Variants in HPSE2 observed in about 807,000 individuals in gnomAD.
HPSE2 encodes the protein heparanase 2 (inactive).
Under a neutral mutation model 60.5 loss-of-function variants are expected in HPSE2, and 38 were observed. That is an observed-to-expected ratio of 0.63 (90% CI 0.48 to 0.82). The LOEUF (loss-of-function observed/expected upper bound fraction) is 0.82, where lower values mean the gene tolerates loss of function less well. HPSE2 is among the 40% of genes least tolerant of loss of function. The probability of loss-of-function intolerance (pLI) is 0.00; values close to 1 mark genes in which losing one functional copy is unlikely to be tolerated. For synonymous variants in HPSE2, 295 were observed against 293.2 expected, an observed-to-expected ratio of 1.01 and a Z score of -0.06; for missense variants, 713 against 740.4, an observed-to-expected ratio of 0.96 and a Z score of 0.43.
chr10:98,566,062 A>T (rs1944334803), intron 9 of HPSE2, among the ~76,000 whole-genome samples: 1 of 152,300 alleles, frequency 6.6e-6, no homozygotes, highest in East Asian at 1.9e-4. Context: ...CCCAGCCCAG[A>T]CTGGCTATCC....
the HPSE2 span, among the ~76,000 whole-genome samples, chr10:99,259,576 C>T: frequency 4.2e-4 from 64 of 152,186 alleles, no homozygotes; most frequent in East Asian, 9.1e-3. Context: ...AAATTAAAGC[C>T]ACAATGAAAT....
At position 98,726,258 on chromosome 10, in the gene HPSE2, G is replaced by A. The variant is rs1434182826; in HGVS notation, c.785-4430C>T. Among the ~76,000 whole-genome samples the A allele has an allele frequency of 2.0e-5, 3 of 151,982 alleles. No homozygotes were observed. The South Asian group carries it at 6.2e-4, about 31-fold the overall frequency. ...CCCAAATGTCCAACAATGATAGAGT[G>A]GATTAAGAAAATGTGGCACATATAC... On this transcript the variant is annotated intron_variant, in intron 4 of 11. Transcript: ENST00000370552.
At chr10:98,758,895 A>G (rs1468003346) in intron 3 of HPSE2, among the ~76,000 whole-genome samples, 1 of 152,138 alleles carries the variant, frequency 6.6e-6, no homozygotes, top group African/African-American at 2.4e-5. Flanking sequence ...CATATGTTCA[A>G]TGCAGTGCTA....
At chr10:98,795,611 C>A (rs540938986) in intron 3 of HPSE2, among the ~76,000 whole-genome samples, 36 of 152,288 alleles carry the variant, frequency 2.4e-4, no homozygotes, top group Non-Finnish European at 4.6e-4. Context: ...ACAGGGACTG[C>A]AATTCCTAGG....
Position 98,836,706 on chromosome 10 carries a change from T to C in HPSE2, c.611-92650A>G, listed in dbSNP as rs113055491. ...CTTGCTTTAAAGGGCTTTTGACTGA[T>C]TAAATTAGGCCTACCTAAATTATGT... On this transcript the variant is annotated intron_variant, in intron 3 of 11. Coordinates refer to ENST00000370552, the MANE Select transcript of HPSE2 (RefSeq NM_021828.5). 3.7e-3 allele frequency among the ~76,000 whole-genome samples: 568 copies of C among 152,280 alleles called. 8 individuals carry two copies. Among genetic ancestry groups the C allele is most frequent in the African/African-American group, 0.013 (547 of 41,540 alleles).
At position 98,590,980 on chromosome 10, in the gene HPSE2, G is replaced by T. The variant is rs528079742; in HGVS notation, c.1320+23924C>A. ...TTAAATGCATTAATATATGTAAAAT[G>T]CTTAGACCATCCAATTAATCCAGTC... On this transcript the variant is annotated intron_variant, in intron 9 of 11. Transcript: ENST00000370552. 1.1e-4 allele frequency among the ~76,000 whole-genome samples: 16 copies of T among 152,252 alleles called. 1 individual carries two copies. In the South Asian group the frequency reaches 1.5e-3, roughly 14 times the overall value.
At chr10:98,806,531 C>A (rs1489718516) in intron 3 of HPSE2, among the ~76,000 whole-genome samples, 4 of 152,142 alleles carry the variant, frequency 2.6e-5, no homozygotes, top group African/African-American at 9.7e-5. Flanking sequence ...CACTTCAGCT[C>A]TCTGAAAAAT....
At chr10:98,821,107 T>A (rs1410272429) in intron 3 of HPSE2, among the ~76,000 whole-genome samples, 2 of 152,210 alleles carry the variant, frequency 1.3e-5, no homozygotes, top group Non-Finnish European at 2.9e-5. Flanking sequence ...CTTTCATGGT[T>A]TACTGACACA....
Position 98,459,757 on chromosome 10 carries a change from A to C in HPSE2, c.1614-18T>G. The C allele has an allele frequency of 6.2e-7, 1 of 1,608,968 alleles. No individual in the cohort carries two copies. On this transcript the variant is annotated intron_variant, in intron 11 of 11. Transcript: ENST00000370552. ...GCACTGACCTACAGTGAGGAAAAAC[A>C]GTATGGGACTCATTATTGCATTATA...
At chr10:98,629,929 T>C (rs192217784) in intron 7 of HPSE2, among the ~76,000 whole-genome samples, 26 of 152,344 alleles carry the variant, frequency 1.7e-4, no homozygotes, top group African/African-American at 4.8e-4. Flanking sequence ...GAAAAAAAGC[T>C]AAGGAGCTAG....
chr10:98,673,610 C>A (rs770345871), intron 6 of HPSE2, among the ~76,000 whole-genome samples: 7 of 152,208 alleles, frequency 4.6e-5, no homozygotes, highest in Admixed American at 2.0e-4. Flanking sequence ...ATCTTCCCAT[C>A]CTTCTTCTTT....
intron 3 of HPSE2, among the ~76,000 whole-genome samples, chr10:99,114,730 T>C (rs1213127650): frequency 2.0e-5 from 3 of 151,426 alleles, no homozygotes; most frequent in Admixed American, 2.0e-4. Flanking sequence ...CTGGCTAACA[T>C]GGTGAAATCC....
chr10:98,459,250 G>A lies in HPSE2; in HGVS notation c.*324C>T. ...CTGTGTGACAGGATCATGGGGAGTT[G>A]TCTGGAAACATTTCTCCTGGGAGTG... On this transcript the variant is annotated 3_prime_UTR_variant, in exon 12 of 12. Transcript: ENST00000370552. 1 of 377,224 alleles carries A rather than the reference G, an allele frequency of 2.7e-6. No individual in the cohort carries two copies. The highest frequency in any genetic ancestry group is 5.1e-6 in the Non-Finnish European group (1 of 197,018). 23.4% of individuals were successfully genotyped at this position (377,224 alleles called of 1,614,324 possible).
At chr10:99,251,862 C>CAAAA in the HPSE2 span, among the ~76,000 whole-genome samples, 8 of 57,286 alleles carry the variant, frequency 1.4e-4, no homozygotes, top group African/African-American at 4.5e-4. Context: ...CTCTCTCTAC[C>CAAAA]AAAAAAAAAA....
At chr10:98,712,393 G>C (rs1565101134) in intron 5 of HPSE2, among the ~76,000 whole-genome samples, 1 of 151,980 alleles carries the variant, frequency 6.6e-6, no homozygotes, top group Non-Finnish European at 1.5e-5. Context: ...AGTCAAAAGT[G>C]CCTTGGGCCC....
At chr10:98,677,210 T>C (rs35874981) in intron 6 of HPSE2, among the ~76,000 whole-genome samples, 2 of 152,238 alleles carry the variant, frequency 1.3e-5, no homozygotes, top group Non-Finnish European at 1.5e-5. Context: ...TATTCCCTTG[T>C]CTATTCATAA....
intron 3 of HPSE2, among the ~76,000 whole-genome samples, chr10:99,140,586 A>C (rs73331996): frequency 0.011 from 1,719 of 152,284 alleles, 34 homozygotes; most frequent in African/African-American, 0.039. Context: ...TTATTTCCCC[A>C]TAAGGTTGAC....
intron 3 of HPSE2, among the ~76,000 whole-genome samples, chr10:99,065,762 T>A (rs1023050073): frequency 1.3e-5 from 2 of 152,154 alleles, no homozygotes; most frequent in African/African-American, 4.8e-5. Flanking sequence ...GAAGGAAGTA[T>A]GAAAAATGAT....
rs1042182001 is a variant in HPSE2, at chr10:99,064,645, C to G, written c.610+79593G>C. Among the ~76,000 whole-genome samples the G allele has an allele frequency of 6.7e-5, 10 of 149,990 alleles. 1 individual carries two copies. The highest frequency in any genetic ancestry group is 2.2e-4 in the African/African-American group (9 of 40,636). On this transcript the variant is annotated intron_variant, in intron 3 of 11. Coordinates refer to ENST00000370552, the MANE Select transcript of HPSE2 (RefSeq NM_021828.5). ...TATATCTCCCGTAATTTTCCCCAAC[C>G]AACATGAACTTCCTTCTTAACATTT...
Sources: allele counts gnomAD v4.1 joint callset (sites outside exome capture counted in the v4.1 genomes callset), GRCh38; gene constraint gnomAD v4.1.1; transcripts MANE v1.5; gene names NCBI Gene and HGNC (gene_info 2026-07-23, HGNC 2026-07-21).